CDK13: variants seen among roughly 807,000 people sequenced by gnomAD.
CDK13 encodes the protein cyclin-dependent kinase 13.
CDK13 carries 40 observed loss-of-function variants against 137.6 expected under a neutral mutation model. That is an observed-to-expected ratio of 0.29 (90% CI 0.23 to 0.38). CDK13 has a LOEUF of 0.38. Ranked by LOEUF, CDK13 falls within the 10% of genes least tolerant of loss-of-function variation. CDK13 has a pLI of 1.00. For synonymous variants in CDK13, 869 were observed against 760.1 expected (o/e 1.14, Z -2.36); for missense variants, 1,704 against 1,951.8 (o/e 0.87, Z 2.39).
intron 5 of CDK13, among the ~76,000 whole-genome samples, chr7:40,027,159 C>T (rs1489014411): frequency 1.3e-5 from 2 of 152,134 alleles, no homozygotes; most frequent in African/African-American, 2.4e-5. Context: ...GCCTGGCCAC[C>T]ATGGTGAAAC....
At chr7:39,996,712 C>T (rs887867306) in intron 2 of CDK13, among the ~76,000 whole-genome samples, 19 of 152,040 alleles carry the variant, frequency 1.2e-4, no homozygotes, top group African/African-American at 4.3e-4. Flanking sequence ...TGCTTTGCAG[C>T]TGAGCGTTGT....
chr7:39,993,619 A>G (rs1016883576), intron 2 of CDK13, among the ~76,000 whole-genome samples: 4 of 152,116 alleles, frequency 2.6e-5, no homozygotes, highest in Admixed American at 6.5e-5. Flanking sequence ...ATGTTTCTTG[A>G]CTTGCTTTTT....
intron 1 of CDK13, among the ~76,000 whole-genome samples, chr7:39,958,040 C>A (rs1787476762): frequency 6.6e-6 from 1 of 152,066 alleles, no homozygotes; most frequent in South Asian, 2.1e-4. Context: ...TACTTGTTTG[C>A]AGTGATTTTG....
chr7:39,966,090 C>G (rs1012808854), intron 1 of CDK13, among the ~76,000 whole-genome samples: 3 of 152,096 alleles, frequency 2.0e-5, no homozygotes, highest in Admixed American at 6.6e-5. Flanking sequence ...CTGACAATTA[C>G]GTGTCTTGGA....
intron 4 of CDK13, among the ~76,000 whole-genome samples, chr7:40,001,596 G>A (rs1352870601): frequency 1.3e-5 from 2 of 152,044 alleles, no homozygotes; most frequent in Non-Finnish European, 2.9e-5. Context: ...TATAAATGGG[G>A]AGCATAGTAT....
At chr7:40,031,182 T>C (rs1030718150) in intron 5 of CDK13, among the ~76,000 whole-genome samples, 1 of 152,222 alleles carries the variant, frequency 6.6e-6, no homozygotes, top group East Asian at 1.9e-4. Context: ...CTAATAGATA[T>C]GTAGTGGTAT....
Position 40,096,577 on chromosome 7 carries a change from A to T in CDK13, c.*1597A>T, listed in dbSNP as rs986720943. 17 of 151,240 alleles carry T rather than the reference A, an allele frequency of 1.1e-4. No individual in the cohort carries two copies. The highest frequency in any genetic ancestry group is 1.6e-4 in the Non-Finnish European group (11 of 67,724). 9.4% of individuals were successfully genotyped at this position (151,240 alleles called of 1,614,324 possible). On this transcript the variant is annotated 3_prime_UTR_variant, in exon 14 of 14. Coordinates refer to ENST00000181839, the MANE Select transcript of CDK13 (RefSeq NM_003718.5). ...TGTTCATCAACTGTTCTGGTAACTT[A>T]TTTTTTTTTATTGGAATCTTAAATT...
At chr7:40,072,007 A>G (rs1192965297) in intron 9 of CDK13, 6 of 152,200 alleles carry the variant, frequency 3.9e-5, no homozygotes, top group East Asian at 1.9e-4. Context: ...CAAGATAACT[A>G]TCATATTTTG....
At chr7:40,016,782 G>A (rs551309707) in intron 5 of CDK13, among the ~76,000 whole-genome samples, 1 of 152,034 alleles carries the variant, frequency 6.6e-6, no homozygotes, top group African/African-American at 2.4e-5. Context: ...TATAATAAAA[G>A]AAATGTAATT....
chr7:40,039,354 C>T (rs1016461009), intron 5 of CDK13, among the ~76,000 whole-genome samples: 9 of 151,270 alleles, frequency 5.9e-5, no homozygotes, highest in African/African-American at 9.7e-5. Flanking sequence ...CTGCAACCTC[C>T]GCCTCCTGGC....
chr7:40,055,758 T>G (rs1348987892), intron 7 of CDK13, among the ~76,000 whole-genome samples: 1 of 151,984 alleles, frequency 6.6e-6, no homozygotes, highest in Non-Finnish European at 1.5e-5. Flanking sequence ...TGTTTTGTAT[T>G]TTTAGTAGAG....
chr7:40,050,809 A>G (rs1272880337), intron 7 of CDK13, among the ~76,000 whole-genome samples: 3 of 152,198 alleles, frequency 2.0e-5, no homozygotes, highest in South Asian at 2.1e-4. Context: ...TTTGCTTAAT[A>G]TAAGTTTGTG....
intron 9 of CDK13, among the ~76,000 whole-genome samples, chr7:40,064,341 C>T (rs1015986109): frequency 7.5e-5 from 11 of 146,154 alleles, no homozygotes; most frequent in Non-Finnish European, 1.2e-4. Flanking sequence ...ATAATGTAAA[C>T]GTGCAACTTA....
chr7:40,008,330 A>G (rs961943045), intron 5 of CDK13, among the ~76,000 whole-genome samples: 1 of 152,212 alleles, frequency 6.6e-6, no homozygotes, highest in African/African-American at 2.4e-5. Flanking sequence ...ATTTTGGACA[A>G]TGAAGTTACA....
At chr7:39,954,966 G>T (rs1731247043) in intron 1 of CDK13, among the ~76,000 whole-genome samples, 1 of 152,126 alleles carries the variant, frequency 6.6e-6, no homozygotes, top group Non-Finnish European at 1.5e-5. Context: ...TTTCATTTTA[G>T]TGATTTCCAC....
intron 1 of CDK13, among the ~76,000 whole-genome samples, chr7:39,955,629 T>A (rs1787383677): frequency 6.6e-6 from 1 of 152,170 alleles, no homozygotes; most frequent in South Asian, 2.1e-4. Flanking sequence ...TATCAGCATT[T>A]TGAAGATTTT....
chr7:40,045,468 T>C (rs1287310847), intron 5 of CDK13, among the ~76,000 whole-genome samples: 7 of 151,444 alleles, frequency 4.6e-5, no homozygotes, highest in Non-Finnish European at 1.0e-4. Context: ...GCAGTTCTTT[T>C]ACCAACTTTT....
intron 5 of CDK13, among the ~76,000 whole-genome samples, chr7:40,003,344 A>C (rs1436628412): frequency 6.6e-6 from 1 of 152,132 alleles, no homozygotes; most frequent in African/African-American, 2.4e-5. Flanking sequence ...AATTGATGTC[A>C]CTTCTGTTAG....
intron 5 of CDK13, among the ~76,000 whole-genome samples, chr7:40,024,232 C>T (rs1298859303): frequency 6.6e-6 from 1 of 152,184 alleles, no homozygotes; most frequent in Non-Finnish European, 1.5e-5. Flanking sequence ...CAGCGCTAAC[C>T]CTACCCACAT....
Sources: allele counts gnomAD v4.1 joint callset (sites outside exome capture counted in the v4.1 genomes callset), GRCh38; gene constraint gnomAD v4.1.1; transcripts MANE v1.5; gene names NCBI Gene and HGNC (gene_info 2026-07-23, HGNC 2026-07-21).